Variants in ULK4 observed in about 807,000 individuals in gnomAD.
The protein encoded by ULK4 is unc-51 like kinase 4, also known as inactive serine/threonine-protein kinase ULK4.
In ULK4, 133 loss-of-function variants were observed where a neutral mutation model predicts 160.6. The ratio of observed to expected loss-of-function variants is 0.83; its 90% CI spans 0.72 to 0.96. The LOEUF (loss-of-function observed/expected upper bound fraction) is 0.96, where lower values mean the gene tolerates loss of function less well. Ranked by LOEUF, ULK4 falls within the 40% of genes least tolerant of loss-of-function variation. The probability of loss-of-function intolerance (pLI) is 0.00; values close to 1 mark genes in which losing one functional copy is unlikely to be tolerated. For missense variants in ULK4, 1,580 were observed against 1,499.5 expected, an observed-to-expected ratio of 1.05 and a Z score of -0.89; for synonymous variants, 534 against 539.8, an observed-to-expected ratio of 0.99 and a Z score of 0.15.
chr3:41,679,549 G>GTTTACA (rs991203797), intron 29 of ULK4, among the ~76,000 whole-genome samples: 2 of 152,132 alleles, frequency 1.3e-5, no homozygotes, highest in Non-Finnish European at 2.9e-5. Context: ...CTGCCATGTG[G>GTTTACA]TTTACATTTA....
At chr3:41,859,332 T>C (rs964534366) in intron 17 of ULK4, 5 of 594,532 alleles carry the variant, frequency 8.4e-6, no homozygotes, top group Admixed American at 5.7e-5. Flanking sequence ...CTGAGCACTG[T>C]AGAGCACATC....
At chr3:41,852,592 A>G (rs1471760469) in intron 17 of ULK4, among the ~76,000 whole-genome samples, 5 of 152,124 alleles carry the variant, frequency 3.3e-5, no homozygotes, top group African/African-American at 1.2e-4. Flanking sequence ...ATAGAAAAGA[A>G]GAAAACTGAA....
chr3:41,367,858 T>G (rs534284605), intron 35 of ULK4, among the ~76,000 whole-genome samples: 84 of 152,270 alleles, frequency 5.5e-4, no homozygotes, highest in Middle Eastern at 6.8e-3. Context: ...TGTTAATATA[T>G]GTATATGTAT....
At chr3:41,444,664 C>A (rs965358922) in intron 34 of ULK4, among the ~76,000 whole-genome samples, 1 of 152,030 alleles carries the variant, frequency 6.6e-6, no homozygotes, top group Admixed American at 6.6e-5. Context: ...GTATTCTTAT[C>A]CTACATTTAA....
intron 23 of ULK4, among the ~76,000 whole-genome samples, chr3:41,716,598 T>A (rs1271027717): frequency 6.6e-6 from 1 of 152,202 alleles, no homozygotes; most frequent in Non-Finnish European, 1.5e-5. Context: ...TCAGTTAGCC[T>A]TGAAGACATT....
intron 21 of ULK4, among the ~76,000 whole-genome samples, chr3:41,763,484 A>T (rs565118010): frequency 6.6e-6 from 1 of 152,350 alleles, no homozygotes; most frequent in South Asian, 2.1e-4. Context: ...GGCAATTACC[A>T]TTGCTGGCTT....
chr3:41,868,540 T>G (rs929784023), intron 17 of ULK4, among the ~76,000 whole-genome samples: 1 of 152,184 alleles, frequency 6.6e-6, no homozygotes. Flanking sequence ...CAGGCTGGAG[T>G]GCAGTAGTGG....
At chr3:41,551,041 GAAGAAATCAGGAAACAAAA>G (rs2087043369) in intron 32 of ULK4, among the ~76,000 whole-genome samples, 1 of 131,210 alleles carries the variant, frequency 7.6e-6, no homozygotes, top group African/African-American at 2.5e-5. Flanking sequence ...CTGGTTCAGT[GAAGAAATCAGGAAACAAAA>G]AAACAAAAAA....
chr3:41,809,698 C>T (rs1452238586), intron 19 of ULK4, among the ~76,000 whole-genome samples: 3 of 152,090 alleles, frequency 2.0e-5, no homozygotes, highest in Admixed American at 2.0e-4. Flanking sequence ...TATCTCTGTG[C>T]CACACTATCT....
At chr3:41,823,669 T>A (rs2125635000) in intron 18 of ULK4, among the ~76,000 whole-genome samples, 2 of 152,268 alleles carry the variant, frequency 1.3e-5, no homozygotes, top group Admixed American at 1.3e-4. Context: ...TACCAACAGG[T>A]TAGCACTGAC....
At chr3:41,737,518 C>G (rs1422671848) in intron 22 of ULK4, among the ~76,000 whole-genome samples, 1 of 151,822 alleles carries the variant, frequency 6.6e-6, no homozygotes, top group African/African-American at 2.4e-5. Flanking sequence ...AAACGACTTT[C>G]AAGTTCATAT....
intron 22 of ULK4, among the ~76,000 whole-genome samples, chr3:41,723,646 A>T (rs1011419229): frequency 6.6e-6 from 1 of 152,234 alleles, no homozygotes; most frequent in Non-Finnish European, 1.5e-5. Context: ...TCTGGCCAAT[A>T]TATGTAGGTA....
At chr3:41,268,070 C>A (rs1291080405) in intron 35 of ULK4, among the ~76,000 whole-genome samples, 1 of 152,110 alleles carries the variant, frequency 6.6e-6, no homozygotes, top group Non-Finnish European at 1.5e-5. Flanking sequence ...TTTTGGTGGT[C>A]ACAACTGGGG....
intron 32 of ULK4, among the ~76,000 whole-genome samples, chr3:41,526,023 C>T (rs748591847): frequency 6.6e-6 from 1 of 152,124 alleles, no homozygotes; most frequent in Non-Finnish European, 1.5e-5. Flanking sequence ...CTATAATGTC[C>T]AGTGATATTA....
chr3:41,717,501 C>T (rs1286199751), intron 23 of ULK4, among the ~76,000 whole-genome samples: 1 of 152,154 alleles, frequency 6.6e-6, no homozygotes, highest in Non-Finnish European at 1.5e-5. Flanking sequence ...CCTCGGATCA[C>T]ACCTTAATGT....
intron 32 of ULK4, among the ~76,000 whole-genome samples, chr3:41,503,386 G>A (rs545615004): frequency 2.0e-5 from 3 of 152,348 alleles, no homozygotes; most frequent in Non-Finnish European, 4.4e-5. Context: ...GCTACAAGGA[G>A]TGCAAAGGCA....
chr3:41,427,721 C>T (rs1052377773), intron 34 of ULK4, among the ~76,000 whole-genome samples: 1 of 152,142 alleles, frequency 6.6e-6, no homozygotes, highest in East Asian at 1.9e-4. Flanking sequence ...AATTCAACAT[C>T]CCTCCATGCT....
At chr3:41,510,768 A>C (rs2085544669) in intron 32 of ULK4, among the ~76,000 whole-genome samples, 1 of 152,216 alleles carries the variant, frequency 6.6e-6, no homozygotes, top group African/African-American at 2.4e-5. Flanking sequence ...GGAAATTTAA[A>C]AATTCTTTGA....
intron 27 of ULK4, among the ~76,000 whole-genome samples, chr3:41,698,822 C>G (rs917496551): frequency 6.6e-6 from 1 of 152,134 alleles, no homozygotes; most frequent in African/African-American, 2.4e-5. Flanking sequence ...CCAGTCACCA[C>G]CCAAAGGTAA....
Sources: allele counts gnomAD v4.1 joint callset (sites outside exome capture counted in the v4.1 genomes callset), GRCh38; gene constraint gnomAD v4.1.1; transcripts MANE v1.5; gene names NCBI Gene and HGNC (gene_info 2026-07-23, HGNC 2026-07-21).